The following SORL1 variants were observed in gnomAD, a reference collection of about 807,000 sequenced individuals.
The protein encoded by SORL1 is sortilin related receptor 1, also known as sortilin-related receptor.
A neutral mutation model predicts 273.7 loss-of-function variants in SORL1; 127 were observed. The ratio of observed to expected loss-of-function variants is 0.46; its 90% confidence interval spans 0.40 to 0.54. The LOEUF (loss-of-function observed/expected upper bound fraction) is 0.54. Among genes scored for constraint, SORL1 ranks in the 20% least tolerant of loss-of-function variants. SORL1 has a pLI of 0.00. For missense variants in SORL1, 2,494 were observed against 2,846.1 expected, an observed-to-expected ratio of 0.88 and a Z score of 2.81; for synonymous variants, 1,031 against 1,067.4, an observed-to-expected ratio of 0.97 and a Z score of 0.66.
intron 18 of SORL1, 85 bp downstream of exon 18, chr11:121,555,403 C>T: frequency 6.6e-7 from 1 of 1,521,888 alleles, no homozygotes; most frequent in Non-Finnish European, 9.0e-7. Flanking sequence ...GAGGCAAGGG[C>T]CAGTGTGTCA....
In SORL1 at chr11:121,631,647, T is replaced by C. The variant is rs1863878484; in HGVS notation, c.*2084T>C. 1 of 152,212 alleles carries C rather than the reference T, an allele frequency of 6.6e-6. No homozygotes were observed. Among genetic ancestry groups the C allele is most frequent in the African/African-American group, 2.4e-5 (1 of 41,444 alleles). The allele number at this position is 152,212 out of a possible 1,614,324, so 9.4% of individuals were successfully genotyped here. A position where few individuals can be genotyped will look rare whatever the true frequency, so the allele number is the denominator to read the frequency against. On this transcript the variant is annotated 3_prime_UTR_variant, in exon 48 of 48. Coordinates refer to ENST00000260197, the MANE Select transcript of SORL1 (RefSeq NM_003105.6). ...CATAGGCAAGCCTTTTTACAGAGCA[T>C]ATGTCTCCAGTTGGCAGCTTGAGAT...
chr11:121,503,546 T>G (rs1346715057), intron 6 of SORL1, among the ~76,000 whole-genome samples: 3 of 152,010 alleles, frequency 2.0e-5, no homozygotes, highest in African/African-American at 7.3e-5. Context: ...TGGAATATAG[T>G]GGCATGGTCA....
At chr11:121,606,604 G>A (rs1591350359) in intron 35 of SORL1, among the ~76,000 whole-genome samples, 1 of 152,302 alleles carries the variant, frequency 6.6e-6, no homozygotes, top group Middle Eastern at 3.4e-3. Context: ...CAGCCCTTAT[G>A]AGCCACAAAT....
At chr11:121,453,279 G>T (rs1411132436) in intron 1 of SORL1, among the ~76,000 whole-genome samples, 4 of 152,136 alleles carry the variant, frequency 2.6e-5, no homozygotes, top group Admixed American at 6.5e-5. Flanking sequence ...TTGGAGATTT[G>T]AAAGGACTGC....
At chr11:121,590,669 T>C (rs952627472) in intron 30 of SORL1, 1 of 620,820 alleles carries the variant, frequency 1.6e-6, no homozygotes, top group African/African-American at 1.8e-5. Flanking sequence ...CACAATGCTT[T>C]GCCTCAGTAG....
intron 23 of SORL1, among the ~76,000 whole-genome samples, chr11:121,572,556 A>G (rs993373739): frequency 7.2e-5 from 11 of 152,174 alleles, no homozygotes; most frequent in Non-Finnish European, 1.5e-4. Context: ...CTGTGCCTGC[A>G]TGTGTGTCTC....
Position 121,478,189 on chromosome 11 carries a change from T to C in SORL1, c.474T>C (p.Asn158=). The change falls in exon 3 of 48, where the codon AAT becomes AAC. Residue 158 remains asparagine (N), a synonymous_variant. Transcript: ENST00000260197. The part of the protein sequence containing the change: ...ISDKLNFGLG[N]RSEAVIAQFY... ...ACAAGTTAAACTTTGGCTTGGGAAA[T>C]AGGAGTGAAGCTGTTATCGCCCAGT... 6.2e-7 allele frequency: 1 copy of C among 1,614,124 alleles called. No individual in the cohort carries two copies. The highest frequency in any genetic ancestry group is 8.5e-7 in the Non-Finnish European group (1 of 1,180,026).
chr11:121,488,590 C>G (rs1261859491), intron 4 of SORL1, among the ~76,000 whole-genome samples: 2 of 152,174 alleles, frequency 1.3e-5, no homozygotes, highest in East Asian at 3.8e-4. Context: ...CTCCATCCTC[C>G]ATCTTAAACA....
chr11:121,579,572 A>G (rs1463440524), intron 25 of SORL1, among the ~76,000 whole-genome samples: 1 of 152,174 alleles, frequency 6.6e-6, no homozygotes, highest in Non-Finnish European at 1.5e-5. Flanking sequence ...AATTACCTGT[A>G]GACATTTTAT....
rs2134823308 is a variant in SORL1 at position 121,496,891 on chromosome 11, C to A, written c.781C>A (p.Pro261Thr). 1.2e-6 allele frequency: 2 copies of A among 1,611,628 alleles called. No homozygotes were observed. The highest frequency in any genetic ancestry group is 2.7e-5 in the African/African-American group (2 of 74,684). The change falls in exon 6 of 48, where the codon CCA becomes ACA. Residue 261 changes from proline (P) to threonine (T), a missense_variant. This residue lies in a region of SORL1 where 710 missense variants were observed against 882.5 expected (regional missense o/e 0.80). Transcript: ENST00000260197. ...FSWGIDPYDK[P>T]NTIYIERHEP... ...CAGGGGAATTGATCCCTATGACAAA[C>A]CAAATACCATCTACATTGAACGACA...
chr11:121,531,210 A>G (rs1026047444), intron 11 of SORL1, among the ~76,000 whole-genome samples: 2 of 152,154 alleles, frequency 1.3e-5, no homozygotes, highest in Non-Finnish European at 2.9e-5. Flanking sequence ...CCTGACCAAC[A>G]TGGTGAAACC....
chr11:121,471,581 A>G (rs144343078), intron 2 of SORL1, among the ~76,000 whole-genome samples: 1 of 152,156 alleles, frequency 6.6e-6, no homozygotes, highest in Admixed American at 6.5e-5. Context: ...GGCCGGGGGA[A>G]CCTTCTGATG....
intron 1 of SORL1, among the ~76,000 whole-genome samples, chr11:121,463,146 A>G (rs1349987594): frequency 4.6e-5 from 7 of 152,192 alleles, no homozygotes. Flanking sequence ...GTTTTCAGGC[A>G]GTGAGAACCA....
rs367609895 is a variant in SORL1 at position 121,595,807 on chromosome 11, C to T, written c.4519+35C>T. ...CAGAGAGCCCTTCACCCCCTGGGCACGTTTCTGCAGAGAGCACAGTTCTGG... is the reference window on the plus strand; with the variant it reads ...CAGAGAGCCCTTCACCCCCTGGGCATGTTTCTGCAGAGAGCACAGTTCTGG... On this transcript the variant is annotated intron_variant, in intron 32 of 47. Transcript: ENST00000260197. This position sits in a 1 kb window ranked among gnomAD's most constrained non-coding sequence, Gnocchi z 5.1. 214 of 1,603,408 alleles carry T rather than the reference C, an allele frequency of 1.3e-4. No individual in the cohort carries two copies. In the African/African-American group the frequency reaches 1.9e-3, roughly 14 times the overall value.
intron 3 of SORL1, 126 bp from the exon 4 acceptor site, chr11:121,487,905 TG>T: frequency 1.1e-6 from 1 of 871,884 alleles, no homozygotes; most frequent in Non-Finnish European, 1.8e-6. Flanking sequence ...TGTAAGGCTG[TG>T]GTGCCTTGTT....
At position 121,543,542 on chromosome 11, in the gene SORL1, G is replaced by C. The variant is rs370995752; in HGVS notation, c.1686-6G>C. The C allele has an allele frequency of 1.9e-6, 3 of 1,605,978 alleles. No homozygotes were observed. Among genetic ancestry groups the C allele is most frequent in the Non-Finnish European group, 8.5e-7 (1 of 1,173,472 alleles). The stretch of plus-strand genomic sequence containing the variant: ...TGCAAGGATTCTCTTACTTGCATTT[G>C]GGCAGATACAGTACCAATGAAGGGG... On this transcript the variant is annotated splice_polypyrimidine_tract_variant and splice_region_variant and intron_variant, in intron 12 of 47. Transcript: ENST00000260197.
intron 5 of SORL1, 84 bp downstream of exon 5, chr11:121,490,194 C>T (rs1236427807): frequency 4.5e-6 from 4 of 888,460 alleles, no homozygotes; most frequent in South Asian, 4.0e-5. Context: ...AAACTGCCCT[C>T]CCCTGAAATG....
At chr11:121,489,173 C>T (rs1000290111) in intron 4 of SORL1, among the ~76,000 whole-genome samples, 9 of 152,274 alleles carry the variant, frequency 5.9e-5, no homozygotes, top group Non-Finnish European at 1.3e-4. Context: ...CTGCATTCAT[C>T]TTTAATTATC....
intron 5 of SORL1, among the ~76,000 whole-genome samples, chr11:121,490,620 A>C (rs1861538093): frequency 6.6e-6 from 1 of 151,910 alleles, no homozygotes; most frequent in African/African-American, 2.4e-5. Context: ...TGTGCCTATA[A>C]ATCCCAGCTA....
Sources: allele counts gnomAD v4.1 joint callset (sites outside exome capture counted in the v4.1 genomes callset), GRCh38; gene constraint gnomAD v4.1.1; regional missense constraint gnomAD v4.1.1; non-coding constraint Gnocchi (gnomAD v3.1); transcripts MANE v1.5; gene names NCBI Gene and HGNC (gene_info 2026-07-23, HGNC 2026-07-21).